IRF6: variants seen among roughly 807,000 people sequenced by gnomAD.
IRF6 encodes the protein interferon regulatory factor 6.
In IRF6, 6 loss-of-function variants were observed where a neutral mutation model predicts 51.4. The ratio of observed to expected loss-of-function variants is 0.12; its 90% CI spans 0.06 to 0.23. The LOEUF is 0.23. Ranked by LOEUF, IRF6 falls within the 10% of genes least tolerant of loss-of-function variation. IRF6 has a pLI of 1.00. For missense variants in IRF6, 348 were observed against 585.2 expected, an observed-to-expected ratio of 0.59 and a Z score of 4.18; for synonymous variants, 178 against 215.7, an observed-to-expected ratio of 0.83 and a Z score of 1.53.
intron 1 of IRF6, among the ~76,000 whole-genome samples, chr1:209,805,636 G>T (rs1174819204): frequency 2.0e-5 from 3 of 152,310 alleles, no homozygotes; most frequent in East Asian, 3.9e-4. Flanking sequence ...AAGGGGGCGC[G>T]GTGCTTTAGC....
intron 5 of IRF6, among the ~76,000 whole-genome samples, chr1:209,794,320 T>C (rs1382578760): frequency 6.6e-6 from 1 of 152,226 alleles, no homozygotes; most frequent in Non-Finnish European, 1.5e-5. Flanking sequence ...CTCTAATGAT[T>C]AGTGACATTG....
Position 209,788,173 on chromosome 1 carries a change from C to A in IRF6, c.*247G>T. 2.0e-6 allele frequency: 1 copy of A among 509,586 alleles called. No homozygotes were observed. Among genetic ancestry groups the A allele is most frequent in the Non-Finnish European group, 3.5e-6 (1 of 283,868 alleles). 31.6% of individuals were successfully genotyped at this position (509,586 alleles called of 1,614,324 possible). On this transcript the variant is annotated 3_prime_UTR_variant, in exon 9 of 9. Transcript: ENST00000367021. ...GCTAGAACTTTGGTGTCCAAACTCC[C>A]AGGCCAAATCTCCTTCTACTATGCT...
At chr1:209,801,555 T>C (rs1011921106) in intron 2 of IRF6, 139 bp from the exon 3 acceptor site, 2 of 691,818 alleles carry the variant, frequency 2.9e-6, no homozygotes, top group African/African-American at 3.6e-5. Flanking sequence ...GGGAATAAGC[T>C]GTGCCAGGTG....
intron 4 of IRF6, 30 bp from the exon 5 acceptor site, chr1:209,795,448 GC>G (rs2077895257): frequency 1.2e-6 from 2 of 1,612,740 alleles, no homozygotes; most frequent in African/African-American, 1.3e-5. Context: ...TCGCAGGTGA[GC>G]CATTCAGGTT....
At chr1:209,794,578 A>G (rs1291186108) in intron 5 of IRF6, among the ~76,000 whole-genome samples, 1 of 152,240 alleles carries the variant, frequency 6.6e-6, no homozygotes, top group Non-Finnish European at 1.5e-5. Context: ...CTAAAAAGAC[A>G]ATGAAAAACT....
At chr1:209,797,305 G>C (rs1324565789) in intron 3 of IRF6, among the ~76,000 whole-genome samples, 1 of 126,678 alleles carries the variant, frequency 7.9e-6, no homozygotes, top group African/African-American at 2.9e-5. Context: ...GGGAGGTGGA[G>C]ATTGTAGTGA....
intron 3 of IRF6, among the ~76,000 whole-genome samples, chr1:209,797,071 T>C (rs960407021): frequency 6.6e-6 from 1 of 152,130 alleles, no homozygotes; most frequent in African/African-American, 2.4e-5. Context: ...TTCAATCTAA[T>C]ACATAAATAA....
intron 5 of IRF6, among the ~76,000 whole-genome samples, chr1:209,794,427 CAA>C (rs1324615481): frequency 6.6e-6 from 1 of 152,218 alleles, no homozygotes; most frequent in Non-Finnish European, 1.5e-5. Flanking sequence ...AGTGGACAGA[CAA>C]GTGTCATTTC....
chr1:209,798,737 C>T (rs544038374), intron 3 of IRF6, among the ~76,000 whole-genome samples: 175 of 152,024 alleles, frequency 1.2e-3, no homozygotes, highest in African/African-American at 3.9e-3. Context: ...GGTGAAACCC[C>T]GTCTCTACTA....
chr1:209,795,654 T>C (rs116100172), intron 4 of IRF6, among the ~76,000 whole-genome samples: 92 of 152,332 alleles, frequency 6.0e-4, no homozygotes, highest in Non-Finnish European at 1.2e-3. Flanking sequence ...TAGTACTTGT[T>C]AAGTATGCAG....
chr1:209,801,248 T>C lies in IRF6; in HGVS notation c.166A>G (p.Ile56Val), dbSNP rs769172583. 4 of 1,605,026 alleles carry C rather than the reference T, an allele frequency of 2.5e-6. No homozygotes were observed. The African/African-American group carries it at 5.5e-5, about 22-fold the overall frequency. ...HSPQQEEENT[I>V]FKAWAVETGK... The stretch of plus-strand genomic sequence containing the variant: ...TAGAAGAAGTCCTTTACCTTAAAAA[T>C]GGTATTTTCCTCTTCTTGTTGAGGG... Residue 56 changes from isoleucine to valine, a missense_variant, in exon 3 of 9, where the codon ATT becomes GTT. Ile to Val is a conservative substitution (Grantham distance 29). Transcript: ENST00000367021.
rs1558038110 is a variant in IRF6, at chr1:209,788,333, G to T, written c.*87C>A. On this transcript the variant is annotated 3_prime_UTR_variant, in exon 9 of 9. Transcript: ENST00000367021. ...TTCTAACACTGTTAGAGAAAAGAGA[G>T]ATTTAAAAGCTGGTTAAATCTAAAC... 1 of 865,938 alleles carries T rather than the reference G, an allele frequency of 1.2e-6. No homozygotes were observed. Among genetic ancestry groups the T allele is most frequent in the South Asian group, 1.5e-5 (1 of 68,332 alleles). The allele number at this position is 865,938 out of a possible 1,614,324, so 53.6% of individuals were successfully genotyped here. A position where few individuals can be genotyped will look rare whatever the true frequency, so the allele number is the denominator to read the frequency against.
chr1:209,790,970 T>C lies in IRF6; in HGVS notation c.668-83A>G. 6.2e-7 allele frequency: 1 copy of C among 1,605,176 alleles called. No individual in the cohort carries two copies. Among genetic ancestry groups the C allele is most frequent in the Non-Finnish European group, 8.5e-7 (1 of 1,179,566 alleles). On this transcript the variant is annotated intron_variant, in intron 6 of 8. Coordinates refer to ENST00000367021, the MANE Select transcript of IRF6 (RefSeq NM_006147.4). This position sits in a 1 kb window ranked among gnomAD's most constrained non-coding sequence, Gnocchi z 4.8. The stretch of plus-strand genomic sequence containing the variant: ...TGTGACTCATGCAAGTCCATTAAGA[T>C]CAAGCCACCTTTCAACCAGCATTCA...
intron 2 of IRF6, 33 bp downstream of exon 2, chr1:209,801,939 G>A (rs187948380): frequency 2.6e-5 from 4 of 152,632 alleles, no homozygotes; most frequent in Admixed American, 2.6e-4. Flanking sequence ...AGTAGATAAG[G>A]GGTAGATCCT....
intron 8 of IRF6, among the ~76,000 whole-genome samples, chr1:209,789,318 T>C (rs930806013): frequency 1.3e-5 from 2 of 148,374 alleles, no homozygotes; most frequent in African/African-American, 2.5e-5. Context: ...AGCAAGACCA[T>C]GTCTCCAAAA....
intron 3 of IRF6, among the ~76,000 whole-genome samples, chr1:209,797,494 C>T (rs969001185): frequency 6.6e-6 from 1 of 151,906 alleles, no homozygotes; most frequent in African/African-American, 2.4e-5. Context: ...AAAATCCACA[C>T]CCCTTACCTT....
At position 209,792,455 on chromosome 1, in the gene IRF6, C is replaced by G. The variant is rs777991337; in HGVS notation, c.509-28G>C. On this transcript the variant is annotated intron_variant, in intron 5 of 8. Coordinates refer to ENST00000367021, the MANE Select transcript of IRF6 (RefSeq NM_006147.4). The stretch of plus-strand genomic sequence containing the variant: ...AAAACAAAAGCATATGGTGAGCAGA[C>G]AGGGGTACCACACGTGCACATCACT... 2.5e-6 allele frequency: 4 copies of G among 1,611,034 alleles called. No homozygotes were observed. In the South Asian group the frequency reaches 4.4e-5, roughly 18 times the overall value.
intron 3 of IRF6, among the ~76,000 whole-genome samples, chr1:209,800,525 G>T (rs541625958): frequency 3.9e-5 from 6 of 152,294 alleles, no homozygotes; most frequent in African/African-American, 1.4e-4. Flanking sequence ...GGGAGGCTAA[G>T]GAGGGAGGAT....
chr1:209,790,386 T>A lies in IRF6; in HGVS notation c.1060+109A>T, dbSNP rs969204341. 4 of 1,362,030 alleles carry A rather than the reference T, an allele frequency of 2.9e-6. No homozygotes were observed. The highest frequency in any genetic ancestry group is 1.2e-5 in the South Asian group (1 of 82,842). The allele number at this position is 1,362,030 out of a possible 1,614,324, so 84.4% of individuals were successfully genotyped here. ...TTGACCTCCTCCAGACTAAATTTTT[T>A]AAGATCTTTGCCATGCCAGGAAAGC... On this transcript the variant is annotated intron_variant, in intron 7 of 8. Transcript: ENST00000367021. The surrounding 1 kb of genome is among the most constrained non-coding windows in gnomAD (Gnocchi z 4.8).
Sources: allele counts gnomAD v4.1 joint callset (sites outside exome capture counted in the v4.1 genomes callset), GRCh38; gene constraint gnomAD v4.1.1; non-coding constraint Gnocchi (gnomAD v3.1); transcripts MANE v1.5; gene names NCBI Gene and HGNC (gene_info 2026-07-23, HGNC 2026-07-21).